EPHA5: variants seen among roughly 807,000 people sequenced by gnomAD.
EPHA5 encodes the protein ephrin type-A receptor 5.
Under a neutral mutation model 105.0 loss-of-function variants are expected in EPHA5, and 60 were observed. The ratio of observed to expected loss-of-function variants is 0.57; its 90% CI spans 0.46 to 0.71. The LOEUF is 0.71. Among genes scored for constraint, EPHA5 ranks in the 30% least tolerant of loss-of-function variants. The probability of loss-of-function intolerance (pLI) is 0.00; values close to 1 mark genes in which losing one functional copy is unlikely to be tolerated. For synonymous variants in EPHA5, 513 were observed against 449.1 expected, an observed-to-expected ratio of 1.14 and a Z score of -1.80; for missense variants, 1,218 against 1,274.7, an observed-to-expected ratio of 0.96 and a Z score of 0.68.
intron 3 of EPHA5, among the ~76,000 whole-genome samples, chr4:65,597,489 G>A (rs1743303583): frequency 7.9e-6 from 1 of 127,168 alleles, no homozygotes; most frequent in African/African-American, 3.3e-5. Context: ...GAGTCTTAAG[G>A]GGAAAAAAAT....
At chr4:65,560,528 T>A (rs1279045965) in intron 3 of EPHA5, among the ~76,000 whole-genome samples, 1 of 152,066 alleles carries the variant, frequency 6.6e-6, no homozygotes, top group Non-Finnish European at 1.5e-5. Context: ...ATGGAAATGT[T>A]TATCATTGTT....
chr4:65,659,285 C>CT (rs1358100035), intron 1 of EPHA5, among the ~76,000 whole-genome samples: 1 of 112,848 alleles, frequency 8.9e-6, no homozygotes, highest in Non-Finnish European at 1.7e-5. Flanking sequence ...GGGCTAGAGA[C>CT]TGGGAACTGG....
intron 3 of EPHA5, among the ~76,000 whole-genome samples, chr4:65,571,310 T>A (rs1404109319): frequency 7.0e-6 from 1 of 143,638 alleles, no homozygotes; most frequent in African/African-American, 2.5e-5. Flanking sequence ...ACAATATGGC[T>A]TGTTTACAAG....
chr4:65,638,207 C>T (rs886471349), intron 2 of EPHA5, among the ~76,000 whole-genome samples: 3 of 151,874 alleles, frequency 2.0e-5, no homozygotes, highest in Admixed American at 6.6e-5. Context: ...TTTGAATTCC[C>T]AAGGGACCAA....
intron 5 of EPHA5, among the ~76,000 whole-genome samples, chr4:65,475,811 G>A (rs919266207): frequency 2.0e-5 from 3 of 152,096 alleles, no homozygotes; most frequent in African/African-American, 4.8e-5. Context: ...AACCAGATTT[G>A]ACACGAAATA....
intron 8 of EPHA5, among the ~76,000 whole-genome samples, chr4:65,396,893 G>A (rs951044769): frequency 1.3e-5 from 2 of 152,180 alleles, no homozygotes; most frequent in Non-Finnish European, 2.9e-5. Context: ...GGCCACCACA[G>A]TCTTTTACAA....
At chr4:65,540,692 T>C (rs1468223103) in intron 3 of EPHA5, among the ~76,000 whole-genome samples, 1 of 151,310 alleles carries the variant, frequency 6.6e-6, no homozygotes, top group Admixed American at 6.6e-5. Context: ...TGGCTGGTTT[T>C]ACCTAGGCTC....
chr4:65,642,755 T>A (rs1309118560), intron 2 of EPHA5, among the ~76,000 whole-genome samples: 1 of 152,016 alleles, frequency 6.6e-6, no homozygotes, highest in African/African-American at 2.4e-5. Flanking sequence ...AATATTTGAT[T>A]ACTCTAAAAT....
intron 3 of EPHA5, among the ~76,000 whole-genome samples, chr4:65,554,927 GAGA>G (rs1393394505): frequency 1.5e-5 from 2 of 130,596 alleles, no homozygotes; most frequent in Admixed American, 9.4e-5. Context: ...TTTCAGAGAT[GAGA>G]AGAATTCACT....
chr4:65,668,866 G>A (rs1000419650), intron 1 of EPHA5, among the ~76,000 whole-genome samples: 1 of 151,830 alleles, frequency 6.6e-6, no homozygotes, highest in African/African-American at 2.4e-5. Context: ...TCCTGCCGCG[G>A]CATCCCACCT....
chr4:65,452,537 TGC>T (rs1436655147), intron 5 of EPHA5, among the ~76,000 whole-genome samples: 8 of 151,414 alleles, frequency 5.3e-5, no homozygotes, highest in Admixed American at 4.6e-4. Context: ...GACTGATTAT[TGC>T]TAATAAATAA....
intron 3 of EPHA5, among the ~76,000 whole-genome samples, chr4:65,566,403 T>G (rs1739536692): frequency 6.6e-6 from 1 of 151,774 alleles, no homozygotes; most frequent in African/African-American, 2.4e-5. Flanking sequence ...AAATCCACTC[T>G]ATGAAACTAA....
At chr4:65,352,575 A>C (rs2148858740) in intron 12 of EPHA5, among the ~76,000 whole-genome samples, 1 of 152,076 alleles carries the variant, frequency 6.6e-6, no homozygotes, top group South Asian at 2.1e-4. Flanking sequence ...GCAAGTCGTG[A>C]CGGATCTTCA....
At position 65,322,628 on chromosome 4, in the gene EPHA5, A is replaced by G. The variant is rs1038440017; in HGVS notation, c.*1486T>C. 3 of 225,038 alleles carry G rather than the reference A, an allele frequency of 1.3e-5. No homozygotes were observed. The highest frequency in any genetic ancestry group is 6.7e-5 in the African/African-American group (3 of 44,850). 13.9% of individuals were successfully genotyped at this position (225,038 alleles called of 1,614,324 possible). ...AATATAAGTCTTCATCATGTGTGGTATATAGAGCATACATAGAAGATATGT... is the reference window on the plus strand; with the variant it reads ...AATATAAGTCTTCATCATGTGTGGTGTATAGAGCATACATAGAAGATATGT... On this transcript the variant is annotated 3_prime_UTR_variant, in exon 17 of 17. Coordinates refer to ENST00000613740, the MANE Select transcript of EPHA5 (RefSeq NM_001281766.3).
intron 5 of EPHA5, among the ~76,000 whole-genome samples, chr4:65,446,695 G>A (rs556950018): frequency 3.9e-5 from 6 of 152,100 alleles, no homozygotes; most frequent in Non-Finnish European, 8.8e-5. Context: ...CACATGGGGT[G>A]CATGTATGGA....
intron 2 of EPHA5, among the ~76,000 whole-genome samples, chr4:65,641,417 A>C (rs1747656174): frequency 6.6e-6 from 1 of 152,176 alleles, no homozygotes; most frequent in Non-Finnish European, 1.5e-5. Context: ...TTATTGAAAA[A>C]AAAATTGGAG....
At chr4:65,340,480 C>G (rs1411651567) in intron 14 of EPHA5, among the ~76,000 whole-genome samples, 2 of 151,982 alleles carry the variant, frequency 1.3e-5, no homozygotes, top group Admixed American at 1.3e-4. Flanking sequence ...ACAGTGGGGG[C>G]AGGGAGAAAT....
At chr4:65,349,254 T>G (rs373710520) in intron 13 of EPHA5, among the ~76,000 whole-genome samples, 17 of 152,238 alleles carry the variant, frequency 1.1e-4, no homozygotes, top group African/African-American at 3.8e-4. Flanking sequence ...GTGTCTTGTT[T>G]GACTAAACCA....
chr4:65,470,837 T>A (rs1248638576), intron 5 of EPHA5, among the ~76,000 whole-genome samples: 1 of 152,212 alleles, frequency 6.6e-6, no homozygotes, highest in Non-Finnish European at 1.5e-5. Flanking sequence ...CACTGTGTAC[T>A]TCTATATTTG....
Sources: gnomAD v4.1 joint callset for allele counts (sites outside exome capture counted in the v4.1 genomes callset) on GRCh38, gnomAD v4.1.1 for gene constraint, MANE v1.5 for transcripts, NCBI Gene and HGNC (gene_info 2026-07-23, HGNC 2026-07-21) for gene names.